The following KHDRBS3 variants were observed in gnomAD, a reference collection of about 807,000 sequenced individuals.
KHDRBS3 encodes KH RNA binding domain containing, signal transduction associated 3.
In KHDRBS3, 23 loss-of-function variants were observed where a neutral mutation model predicts 45.6. The observed-to-expected ratio is 0.50, with a 90% CI of 0.36 to 0.72. The LOEUF (loss-of-function observed/expected upper bound fraction) is 0.72. Among genes scored for constraint, KHDRBS3 ranks in the 30% least tolerant of loss-of-function variants. The pLI is 0.00. For synonymous variants in KHDRBS3, 162 were observed against 156.5 expected, an observed-to-expected ratio of 1.04 and a Z score of -0.26; for missense variants, 352 against 424.8, an observed-to-expected ratio of 0.83 and a Z score of 1.51.
At chr8:135,556,919 C>T (rs373100480) in intron 4 of KHDRBS3, among the ~76,000 whole-genome samples, 9 of 152,176 alleles carry the variant, frequency 5.9e-5, no homozygotes, top group African/African-American at 1.9e-4. Context: ...TTGAATTTCA[C>T]AACTTGTATA....
At chr8:135,548,945 T>C in intron 4 of KHDRBS3, 45 bp downstream of exon 4, 1 of 1,398,058 alleles carries the variant, frequency 7.2e-7, no homozygotes. Context: ...TTTAAAGTCT[T>C]TGCTTTAATC....
intron 1 of KHDRBS3, among the ~76,000 whole-genome samples, chr8:135,481,265 TCTGTGTACTTTTTTTTTTTTTTAA>T: frequency 1.2e-5 from 1 of 83,010 alleles, no homozygotes; most frequent in African/African-American, 6.2e-5. Flanking sequence ...ATGTAAGCCT[TCTGTGTACTTTTTTTTTTTTTTAA>T]TCACAGGTGC....
intron 6 of KHDRBS3, among the ~76,000 whole-genome samples, chr8:135,604,923 GTCTT>G: frequency 6.6e-6 from 1 of 150,748 alleles, no homozygotes; most frequent in South Asian, 2.1e-4. Context: ...TTAGTTGACA[GTCTT>G]TTTTTTTTTC....
intron 2 of KHDRBS3, among the ~76,000 whole-genome samples, chr8:135,530,480 A>T (rs569094090): frequency 1.3e-5 from 2 of 152,362 alleles, no homozygotes; most frequent in African/African-American, 4.8e-5. Context: ...CACATAATAC[A>T]AAGGCAGACT....
downstream of KHDRBS3, among the ~76,000 whole-genome samples, chr8:135,651,141 A>G (rs915551803): frequency 1.1e-4 from 16 of 152,080 alleles, no homozygotes; most frequent in Admixed American, 5.9e-4. Context: ...ATTAAGACCA[A>G]TAGAAGATAA....
At chr8:135,642,180 A>C (rs75233349) in intron 7 of KHDRBS3, among the ~76,000 whole-genome samples, 10 of 152,210 alleles carry the variant, frequency 6.6e-5, no homozygotes, top group Non-Finnish European at 1.2e-4. Context: ...GGCCATGTCA[A>C]AGTGGGAACC....
chr8:135,516,727 A>T (rs112554038), intron 1 of KHDRBS3, among the ~76,000 whole-genome samples: 39 of 152,220 alleles, frequency 2.6e-4, no homozygotes, highest in African/African-American at 8.7e-4. Flanking sequence ...TGTTGATAAG[A>T]CATTTAGGTG....
intron 1 of KHDRBS3, among the ~76,000 whole-genome samples, chr8:135,493,917 C>G (rs1823283072): frequency 6.6e-6 from 1 of 152,140 alleles, no homozygotes; most frequent in Non-Finnish European, 1.5e-5. Context: ...AGCTTTTAAA[C>G]TATGAATTTA....
At chr8:135,458,021 G>C in intron 1 of KHDRBS3, 67 bp downstream of exon 1, 2 of 1,498,444 alleles carry the variant, frequency 1.3e-6, no homozygotes, top group Non-Finnish European at 1.8e-6. Context: ...CGGGGGCCCA[G>C]GGGGCCCCTC....
intron 1 of KHDRBS3, among the ~76,000 whole-genome samples, chr8:135,519,715 T>C (rs1044754784): frequency 1.3e-5 from 2 of 152,270 alleles, no homozygotes; most frequent in Non-Finnish European, 2.9e-5. Flanking sequence ...GACGAGAATC[T>C]AGAATTTTTA....
chr8:135,492,516 CATATATATATATATAT>C (rs3029812), intron 1 of KHDRBS3, among the ~76,000 whole-genome samples: 1 of 145,856 alleles, frequency 6.9e-6, no homozygotes, highest in Non-Finnish European at 1.5e-5. Context: ...TATATATATA[CATATATATATATATAT>C]ATTTCCTCTA....
chr8:135,494,912 G>T (rs916932714), intron 1 of KHDRBS3, among the ~76,000 whole-genome samples: 1 of 152,192 alleles, frequency 6.6e-6, no homozygotes, highest in Non-Finnish European at 1.5e-5. Context: ...ACCTTGCCCT[G>T]GGGGTAGATG....
intron 5 of KHDRBS3, among the ~76,000 whole-genome samples, chr8:135,581,220 G>A (rs2130922609): frequency 6.6e-6 from 1 of 152,136 alleles, no homozygotes; most frequent in Admixed American, 6.5e-5. Flanking sequence ...TGTTTTCTCA[G>A]GTTTTTGCTT....
chr8:135,521,907 T>C (rs1359503550), intron 2 of KHDRBS3, among the ~76,000 whole-genome samples: 3 of 152,230 alleles, frequency 2.0e-5, no homozygotes, highest in Non-Finnish European at 4.4e-5. Context: ...AAATTAAATT[T>C]CTCTGAACAG....
rs1670758975 is a variant in KHDRBS3 at position 135,514,178 on chromosome 8, A to G, written c.89-7059A>G. Among the ~76,000 whole-genome samples, 4 of 152,224 alleles carry G rather than the reference A, an allele frequency of 2.6e-5. No homozygotes were observed. In the South Asian group the frequency reaches 8.3e-4, roughly 32 times the overall value. On this transcript the variant is annotated intron_variant, in intron 1 of 8. Transcript: ENST00000355849. ...AGTGAAGGGATAAGCAGATGTGGCT[A>G]CATTAAGAACGTCCAATGCTTGTGA...
intron 5 of KHDRBS3, among the ~76,000 whole-genome samples, chr8:135,575,457 C>T (rs1827908226): frequency 6.6e-6 from 1 of 152,174 alleles, no homozygotes; most frequent in South Asian, 2.1e-4. Flanking sequence ...TCACTTTTTC[C>T]CTCAAGCCTG....
chr8:135,608,316 C>A (rs1472423937), intron 7 of KHDRBS3, among the ~76,000 whole-genome samples: 1 of 152,136 alleles, frequency 6.6e-6, no homozygotes, highest in Non-Finnish European at 1.5e-5. Context: ...ACATAAATAT[C>A]CACAAATATT....
intron 7 of KHDRBS3, among the ~76,000 whole-genome samples, chr8:135,608,187 A>G (rs1318638256): frequency 6.6e-6 from 1 of 152,204 alleles, no homozygotes; most frequent in Admixed American, 6.5e-5. Flanking sequence ...AAGGAGCACA[A>G]AATTAAGTAA....
chr8:135,650,283 A>G (rs764597473), downstream of KHDRBS3, among the ~76,000 whole-genome samples: 21 of 152,056 alleles, frequency 1.4e-4, no homozygotes, highest in Non-Finnish European at 1.5e-4. Flanking sequence ...AAGAAACCAT[A>G]CCCGTCCTTC....
Sources: allele counts gnomAD v4.1 joint callset (sites outside exome capture counted in the v4.1 genomes callset), GRCh38; gene constraint gnomAD v4.1.1; transcripts MANE v1.5; gene names NCBI Gene and HGNC (gene_info 2026-07-23, HGNC 2026-07-21).